Variants in ACTR5 observed in about 807,000 individuals in gnomAD.
ACTR5 encodes actin-related protein 5.
Under a neutral mutation model 61.2 loss-of-function variants are expected in ACTR5, and 43 were observed. The ratio of observed to expected loss-of-function variants is 0.70; its 90% CI spans 0.55 to 0.91. The LOEUF is 0.91. ACTR5 is among the 40% of genes least tolerant of loss of function. The pLI is 0.00. For missense variants in ACTR5, 798 were observed against 782.2 expected (o/e 1.02, Z -0.24); for synonymous variants, 333 against 310.5 (o/e 1.07, Z -0.76).
intron 5 of ACTR5, among the ~76,000 whole-genome samples, chr20:38,763,119 C>T (rs940779891): frequency 2.0e-5 from 3 of 152,190 alleles, no homozygotes; most frequent in Non-Finnish European, 4.4e-5. Context: ...GTTGCCATTC[C>T]GAGCTGGATC....
At position 38,763,408 on chromosome 20, in the gene ACTR5, C is replaced by G. The variant is rs145683808; in HGVS notation, c.1177-1994C>G. 3.5e-3 allele frequency among the ~76,000 whole-genome samples: 539 copies of G among 152,326 alleles called. 3 individuals carry two copies. Among genetic ancestry groups the G allele is most frequent in the African/African-American group, 0.012 (506 of 41,578 alleles). On this transcript the variant is annotated intron_variant, in intron 5 of 8. Transcript: ENST00000243903. ...CAAGGGGAATGTTCCTTTACTCCCT[C>G]TCTGCTGTCCCTGCTGGGACAGAGG...
chr20:38,751,982 T>C, intron 2 of ACTR5, 149 bp from the exon 3 acceptor site: 1 of 890,076 alleles, frequency 1.1e-6, no homozygotes, highest in Middle Eastern at 3.5e-4. Flanking sequence ...CCAGGGGAAC[T>C]TCAACGTCCC....
At chr20:38,759,789 G>A (rs747600891) in intron 5 of ACTR5, among the ~76,000 whole-genome samples, 14 of 152,170 alleles carry the variant, frequency 9.2e-5, no homozygotes, top group Admixed American at 1.3e-4. Flanking sequence ...TGACTGTAAT[G>A]AAGCGTAGCA....
At chr20:38,771,463 T>C in intron 8 of ACTR5, 96 bp from the exon 9 acceptor site, 2 of 1,518,414 alleles carry the variant, frequency 1.3e-6, no homozygotes, top group Non-Finnish European at 1.8e-6. Context: ...ATGTGTATAT[T>C]TCTGGGGATA....
chr20:38,765,315 A>G (rs1465605575), intron 5 of ACTR5, 87 bp from the exon 6 acceptor site: 2 of 923,942 alleles, frequency 2.2e-6, no homozygotes, highest in Non-Finnish European at 3.5e-6. Context: ...ATTGGGCAAG[A>G]TCCCAGTTCT....
At chr20:38,769,537 C>G (rs2084507825) in intron 8 of ACTR5, among the ~76,000 whole-genome samples, 1 of 152,176 alleles carries the variant, frequency 6.6e-6, no homozygotes, top group Non-Finnish European at 1.5e-5. Context: ...TTAAGAGATT[C>G]ACTGAACGAG....
chr20:38,763,863 C>T (rs996222611), intron 5 of ACTR5, among the ~76,000 whole-genome samples: 1 of 152,202 alleles, frequency 6.6e-6, no homozygotes, highest in Admixed American at 6.5e-5. Flanking sequence ...TCCTCCTCCT[C>T]AGATTACCTC....
At position 38,750,053 on chromosome 20, in the gene ACTR5, A is replaced by C; in HGVS notation, c.419A>C (p.Asn140Thr). The C allele has an allele frequency of 1.2e-6, 2 of 1,614,164 alleles. No individual in the cohort carries two copies. Among genetic ancestry groups the C allele is most frequent in the Non-Finnish European group, 1.7e-6 (2 of 1,180,036 alleles). The change falls in exon 2 of 9, where the codon AAC (asparagine) becomes ACC (threonine). Residue 140 changes from asparagine to threonine, a missense_variant. By Grantham distance (65) the Asn-to-Thr change is moderately conservative (BLOSUM62 0). Transcript: ENST00000243903. Reference sequence around the variant, plus strand: ...ATAGTTTTGACAGAAGCTGTGTGCAACCCACTGTATTCACGGCAAATGATG... The same window carrying C: ...ATAGTTTTGACAGAAGCTGTGTGCACCCCACTGTATTCACGGCAAATGATG... ...HPIVLTEAVC[N>T]PLYSRQMMSE...
At chr20:38,768,864 AAC>A (rs1364119862) in intron 8 of ACTR5, among the ~76,000 whole-genome samples, 1 of 152,186 alleles carries the variant, frequency 6.6e-6, no homozygotes, top group Admixed American at 6.5e-5. Flanking sequence ...CATAGTGATG[AAC>A]CATGAAGGAG....
intron 5 of ACTR5, among the ~76,000 whole-genome samples, chr20:38,756,724 G>A (rs1370234029): frequency 6.6e-6 from 1 of 152,190 alleles, no homozygotes; most frequent in Non-Finnish European, 1.5e-5. Context: ...GGCCCACATG[G>A]CGAAACCCTG....
intron 6 of ACTR5, 60 bp from the exon 7 acceptor site, chr20:38,766,178 A>G (rs1366360601): frequency 3.2e-6 from 5 of 1,556,178 alleles, no homozygotes; most frequent in South Asian, 1.2e-5. Context: ...TGAGGAAACT[A>G]GCAACTGGAA....
Position 38,748,507 on chromosome 20 carries a change from A to C in ACTR5, c.29A>C (p.Asp10Ala). The C allele has an allele frequency of 6.7e-7, 1 of 1,495,776 alleles. No homozygotes were observed. The highest frequency in any genetic ancestry group is 1.3e-5 in the South Asian group (1 of 79,656). The allele number at this position is 1,495,776 out of a possible 1,614,324, so 92.7% of individuals were successfully genotyped here. Reference protein sequence around the residue: MAANVFPFRDARAAPDPVLE... With the variant: MAANVFPFRAARAAPDPVLE... ...GCGGCGAACGTGTTCCCGTTCCGCG[A>C]CGCCCGTGCCGCACCGGACCCAGTG... Residue 10 changes from aspartate (D) to alanine (A), a missense_variant, in exon 1 of 9, where the codon GAC (aspartate) becomes GCC (alanine). Physicochemically the swap from Asp to Ala is moderately radical, Grantham distance 126. Coordinates refer to ENST00000243903, the MANE Select transcript of ACTR5 (RefSeq NM_024855.4).
intron 3 of ACTR5, among the ~76,000 whole-genome samples, chr20:38,753,105 A>G (rs1374043796): frequency 6.6e-6 from 1 of 152,210 alleles, no homozygotes; most frequent in African/African-American, 2.4e-5. Context: ...TGATGAGGAC[A>G]CTCAGTCCGG....
chr20:38,764,112 A>G (rs1466840183), intron 5 of ACTR5, among the ~76,000 whole-genome samples: 1 of 152,142 alleles, frequency 6.6e-6, no homozygotes, highest in Non-Finnish European at 1.5e-5. Flanking sequence ...GCTAGTTTAC[A>G]TTTGCAGTAT....
chr20:38,751,954 C>G (rs1308383651), intron 2 of ACTR5, among the ~76,000 whole-genome samples, 177 bp from the exon 3 acceptor site: 1 of 152,126 alleles, frequency 6.6e-6, no homozygotes, highest in Non-Finnish European at 1.5e-5. Context: ...GGAATGCCTG[C>G]CTAGATAAGA....
intron 5 of ACTR5, among the ~76,000 whole-genome samples, chr20:38,760,256 G>A (rs2084445777): frequency 6.6e-6 from 1 of 152,112 alleles, no homozygotes; most frequent in Non-Finnish European, 1.5e-5. Context: ...GGCATATAGA[G>A]TGTGAACAAG....
At chr20:38,757,234 A>G (rs2084425488) in intron 5 of ACTR5, among the ~76,000 whole-genome samples, 1 of 152,136 alleles carries the variant, frequency 6.6e-6, no homozygotes, top group Non-Finnish European at 1.5e-5. Flanking sequence ...GCTGTTAATA[A>G]GTGTCGAAGT....
At position 38,765,290 on chromosome 20, in the gene ACTR5, G is replaced by A. The variant is rs1008851235; in HGVS notation, c.1177-112G>A. The A allele has an allele frequency of 3.6e-5, 27 of 749,910 alleles. No individual in the cohort carries two copies. In the African/African-American group the frequency reaches 4.6e-4, roughly 13 times the overall value. 46.5% of individuals were successfully genotyped at this position (749,910 alleles called of 1,614,324 possible). A position where few individuals can be genotyped will look rare whatever the true frequency, so the allele number is the denominator to read the frequency against. On this transcript the variant is annotated intron_variant, in intron 5 of 8. Coordinates refer to ENST00000243903, the MANE Select transcript of ACTR5 (RefSeq NM_024855.4). ...TTAGAAAAATTTTCATAGTTTTTAT[G>A]TAAGGTTTTAGAACATTGGGCAAGA...
At position 38,753,744 on chromosome 20, in the gene ACTR5, A is replaced by G. The variant is rs371563517; in HGVS notation, c.776-1213A>G. ...TCAACCTCTATTTAATTGTTAGACTAAACCATTTATAATTAGTTTTAATTA... is the reference window on the plus strand; with the variant it reads ...TCAACCTCTATTTAATTGTTAGACTGAACCATTTATAATTAGTTTTAATTA... On this transcript the variant is annotated intron_variant, in intron 3 of 8. Coordinates refer to ENST00000243903, the MANE Select transcript of ACTR5 (RefSeq NM_024855.4). Among the ~76,000 whole-genome samples the G allele has an allele frequency of 2.1e-4, 32 of 152,344 alleles. No individual in the cohort carries two copies. In the East Asian group the frequency reaches 3.7e-3, roughly 17 times the overall value.
Sources: gnomAD v4.1 joint callset for allele counts (sites outside exome capture counted in the v4.1 genomes callset) on GRCh38, gnomAD v4.1.1 for gene constraint, MANE v1.5 for transcripts, NCBI Gene and HGNC (gene_info 2026-07-23, HGNC 2026-07-21) for gene names.